ATP10A: variants seen among roughly 807,000 people sequenced by gnomAD.
ATP10A encodes phospholipid-transporting ATPase VA.
In ATP10A, 111 loss-of-function variants were observed where a neutral mutation model predicts 147.8. That is an observed-to-expected ratio of 0.75 (90% confidence interval 0.64 to 0.88). ATP10A has a LOEUF of 0.88. ATP10A is among the 40% of genes least tolerant of loss of function. The pLI is 0.00. For synonymous variants in ATP10A, 875 were observed against 841.6 expected (o/e 1.04, Z -0.69); for missense variants, 1,927 against 1,959.0 (o/e 0.98, Z 0.31).
intron 2 of ATP10A, among the ~76,000 whole-genome samples, chr15:25,755,525 C>T (rs1888366000): frequency 6.6e-6 from 1 of 152,192 alleles, no homozygotes; most frequent in African/African-American, 2.4e-5. Flanking sequence ...GGAGCACTTT[C>T]TAATAGGTGA....
intron 13 of ATP10A, 150 bp from the exon 14 acceptor site, chr15:25,695,296 G>A (rs929616658): frequency 1.4e-6 from 1 of 739,180 alleles, no homozygotes; most frequent in Non-Finnish European, 2.2e-6. Context: ...AAACTGTGAA[G>A]TTCAGCCGGA....
intron 2 of ATP10A, among the ~76,000 whole-genome samples, chr15:25,756,629 C>A (rs1158584828): frequency 7.1e-6 from 1 of 140,340 alleles, no homozygotes; most frequent in Admixed American, 7.3e-5. Context: ...GGCCACAGAG[C>A]AAGACTCCAT....
At chr15:25,794,147 A>C (rs1298698382) in intron 1 of ATP10A, among the ~76,000 whole-genome samples, 4 of 152,196 alleles carry the variant, frequency 2.6e-5, no homozygotes. Flanking sequence ...TAAAAGCCAG[A>C]CAGGCAGATT....
intron 12 of ATP10A, among the ~76,000 whole-genome samples, chr15:25,706,101 T>G (rs942495865): frequency 6.6e-6 from 1 of 152,148 alleles, no homozygotes; most frequent in Non-Finnish European, 1.5e-5. Flanking sequence ...TTCACACAGT[T>G]GCCCAAGTAA....
chr15:25,797,370 G>T (rs1890720438), intron 1 of ATP10A, among the ~76,000 whole-genome samples: 1 of 152,210 alleles, frequency 6.6e-6, no homozygotes, highest in South Asian at 2.1e-4. Context: ...TCAGTGGCTT[G>T]AGGACAGGCT....
intron 1 of ATP10A, among the ~76,000 whole-genome samples, chr15:25,815,432 T>C (rs1413323611): frequency 6.6e-6 from 1 of 152,110 alleles, no homozygotes; most frequent in Non-Finnish European, 1.5e-5. Context: ...GCCTCAAGAG[T>C]CTATTCCCGA....
downstream of ATP10A, chr15:25,677,973 T>C (rs150986517): frequency 1.3e-5 from 2 of 152,252 alleles, no homozygotes; most frequent in Admixed American, 1.3e-4. Flanking sequence ...TAGTGATGCA[T>C]GGATAAGTCC....
intron 1 of ATP10A, among the ~76,000 whole-genome samples, chr15:25,859,792 C>G (rs1198108493): frequency 1.3e-5 from 2 of 152,080 alleles, no homozygotes; most frequent in African/African-American, 4.8e-5. Flanking sequence ...AAAAACAGCA[C>G]ATAAATAATA....
intron 1 of ATP10A, among the ~76,000 whole-genome samples, chr15:25,801,416 G>A (rs145273074): frequency 2.2e-4 from 34 of 152,300 alleles, no homozygotes; most frequent in African/African-American, 8.2e-4. Context: ...TGCAATGTGG[G>A]GATAACACTG....
chr15:25,767,954 C>T (rs538433038), intron 2 of ATP10A, among the ~76,000 whole-genome samples: 1 of 152,342 alleles, frequency 6.6e-6, no homozygotes, highest in African/African-American at 2.4e-5. Context: ...GCATCCCTGA[C>T]CTGGGAGACA....
At chr15:25,716,622 G>A (rs971304278) in intron 9 of ATP10A, 108 bp downstream of exon 9, 4 of 1,124,312 alleles carry the variant, frequency 3.6e-6, no homozygotes, top group African/African-American at 3.2e-5. Flanking sequence ...GATGTGCCAA[G>A]AGCGCTTGCT....
At chr15:25,689,588 G>A (rs1289500992) in intron 15 of ATP10A, among the ~76,000 whole-genome samples, 1 of 152,224 alleles carries the variant, frequency 6.6e-6, no homozygotes, top group Non-Finnish European at 1.5e-5. Context: ...GGGTCCCAGT[G>A]CTGGAAAACC....
intron 4 of ATP10A, 54 bp downstream of exon 4, chr15:25,727,106 G>T: frequency 3.1e-6 from 4 of 1,293,894 alleles, no homozygotes; most frequent in Non-Finnish European, 4.5e-6. Context: ...GAGGGGAAGT[G>T]CTGGAGAACA....
Position 25,713,664 on chromosome 15 carries a change from G to T in ATP10A, c.2344+10C>A, listed in dbSNP as rs1353582862. Reference sequence around the variant, plus strand: ...CGAGCTGGGGTGCAGCTGGGCAGGGGTGGGAGTACCTGAAGAGCAGGGCTG... The same window carrying T: ...CGAGCTGGGGTGCAGCTGGGCAGGGTTGGGAGTACCTGAAGAGCAGGGCTG... On this transcript the variant is annotated intron_variant, in intron 10 of 20. Transcript: ENST00000555815. 1 of 1,612,674 alleles carries T rather than the reference G, an allele frequency of 6.2e-7. No individual in the cohort carries two copies. The highest frequency in any genetic ancestry group is 8.5e-7 in the Non-Finnish European group (1 of 1,179,474).
intron 13 of ATP10A, among the ~76,000 whole-genome samples, chr15:25,700,560 G>C (rs879313178): frequency 6.6e-6 from 1 of 152,212 alleles, no homozygotes; most frequent in Non-Finnish European, 1.5e-5. Context: ...TATGCTGAGT[G>C]ACAGAAGCCA....
intron 1 of ATP10A, among the ~76,000 whole-genome samples, chr15:25,802,757 C>T (rs191815407): frequency 1.5e-4 from 23 of 152,268 alleles, no homozygotes; most frequent in Admixed American, 1.2e-3. Flanking sequence ...ACACTTTCTT[C>T]CACCTTAAGG....
intron 7 of ATP10A, 66 bp from the exon 8 acceptor site, chr15:25,718,465 TCA>T (rs1901984687): frequency 1.3e-6 from 2 of 1,496,684 alleles, no homozygotes; most frequent in Non-Finnish European, 1.8e-6. Context: ...AAGAAACCAT[TCA>T]GTGTGTTTTA....
chr15:25,679,274 G>A lies in ATP10A; in HGVS notation c.*67C>T. On this transcript the variant is annotated 3_prime_UTR_variant, in exon 21 of 21. Coordinates refer to ENST00000555815, the MANE Select transcript of ATP10A (RefSeq NM_024490.4). Reference sequence around the variant, plus strand: ...ATACATCTCCCTAGAACTCTTCTGTGCAAATAATAAACATAAATAATATTA... The same window carrying A: ...ATACATCTCCCTAGAACTCTTCTGTACAAATAATAAACATAAATAATATTA... The A allele has an allele frequency of 1.8e-6, 2 of 1,134,476 alleles. No homozygotes were observed. The highest frequency in any genetic ancestry group is 2.2e-6 in the Non-Finnish European group (2 of 891,710). The allele number at this position is 1,134,476 out of a possible 1,614,324, so 70.3% of individuals were successfully genotyped here.
In ATP10A at chr15:25,809,096, G is replaced by T. The variant is rs143521116; in HGVS notation, c.450-27873C>A. Among the ~76,000 whole-genome samples the T allele has an allele frequency of 1.4e-4, 22 of 152,282 alleles. 1 individual carries two copies. In the East Asian group the frequency reaches 3.3e-3, roughly 23 times the overall value. On this transcript the variant is annotated intron_variant, in intron 1 of 20. Coordinates refer to ENST00000555815, the MANE Select transcript of ATP10A (RefSeq NM_024490.4). The stretch of plus-strand genomic sequence containing the variant: ...ATGCTTAAGTGAGAATGTCCCTCTT[G>T]TGTCCCTGAAACCTGAGCCCTGCAG...
Sources: allele counts gnomAD v4.1 joint callset (sites outside exome capture counted in the v4.1 genomes callset), GRCh38; gene constraint gnomAD v4.1.1; transcripts MANE v1.5; gene names NCBI Gene and HGNC (gene_info 2026-07-23, HGNC 2026-07-21).